The following TMEM131L variants were observed in gnomAD, a reference collection of about 807,000 sequenced individuals.
TMEM131L encodes transmembrane 131 like, also known as transmembrane protein 131-like.
TMEM131L carries 54 observed loss-of-function variants against 192.2 expected under a neutral mutation model. The ratio of observed to expected loss-of-function variants is 0.28; its 90% CI spans 0.23 to 0.35. The LOEUF (loss-of-function observed/expected upper bound fraction) is 0.35. Among genes scored for constraint, TMEM131L ranks in the 10% least tolerant of loss-of-function variants. The pLI is 1.00. For missense variants in TMEM131L, 1,888 were observed against 1,972.9 expected, an observed-to-expected ratio of 0.96 and a Z score of 0.82; for synonymous variants, 701 against 704.9, an observed-to-expected ratio of 0.99 and a Z score of 0.09.
At chr4:153,591,327 A>G (rs769371497) in intron 17 of TMEM131L, 133 bp downstream of exon 17, 2 of 760,880 alleles carry the variant, frequency 2.6e-6, no homozygotes, top group Non-Finnish European at 4.0e-6. Flanking sequence ...GAACTAGATG[A>G]GCAGTAAAAC....
At chr4:153,632,483 T>C (rs1734279260) in intron 31 of TMEM131L, 3 of 498,368 alleles carry the variant, frequency 6.0e-6, no homozygotes, top group African/African-American at 1.9e-5. Flanking sequence ...ATATTTGTTA[T>C]GTGAGTCTCA....
intron 7 of TMEM131L, among the ~76,000 whole-genome samples, chr4:153,575,904 CT>C (rs976541971): frequency 9.2e-5 from 14 of 151,902 alleles, no homozygotes; most frequent in Admixed American, 5.9e-4. Context: ...TGGTTGCCCC[CT>C]GGCTAACATT....
chr4:153,618,394 T>C (rs535255930), intron 26 of TMEM131L, among the ~76,000 whole-genome samples: 71 of 147,904 alleles, frequency 4.8e-4, no homozygotes, highest in African/African-American at 1.8e-3. Flanking sequence ...GGCGGTTGCT[T>C]GAGCCTGGGA....
chr4:153,580,968 A>G, intron 8 of TMEM131L, 65 bp downstream of exon 8: 2 of 1,199,598 alleles, frequency 1.7e-6, no homozygotes, highest in Non-Finnish European at 2.5e-6. Context: ...AAAATAAAAC[A>G]CAAGGCTGGG....
intron 3 of TMEM131L, among the ~76,000 whole-genome samples, chr4:153,527,135 C>A (rs1561160103): frequency 6.6e-6 from 1 of 152,068 alleles, no homozygotes; most frequent in South Asian, 2.1e-4. Flanking sequence ...GGCTACAGTC[C>A]ATTGATGTTT....
intron 7 of TMEM131L, among the ~76,000 whole-genome samples, chr4:153,570,761 C>T (rs773488826): frequency 6.6e-6 from 1 of 152,104 alleles, no homozygotes; most frequent in Non-Finnish European, 1.5e-5. Flanking sequence ...TGTGGACTTG[C>T]GGGGGCTTCT....
At chr4:153,582,419 C>T (rs1274555241) in intron 9 of TMEM131L, among the ~76,000 whole-genome samples, 4 of 117,998 alleles carry the variant, frequency 3.4e-5, no homozygotes, top group Admixed American at 2.6e-4. Context: ...TAATTTAAAC[C>T]GTTTTTTTTT....
chr4:153,523,290 G>A (rs1316551384), intron 3 of TMEM131L, among the ~76,000 whole-genome samples: 1 of 152,176 alleles, frequency 6.6e-6, no homozygotes, highest in Non-Finnish European at 1.5e-5. Context: ...TTTGTGAAAC[G>A]TATGAATTTC....
intron 3 of TMEM131L, among the ~76,000 whole-genome samples, chr4:153,515,105 C>T (rs531703828): frequency 2.6e-5 from 4 of 152,248 alleles, no homozygotes; most frequent in African/African-American, 9.6e-5. Context: ...AGCCACCGTG[C>T]TCAGCCTACT....
chr4:153,509,477 A>G (rs1734209386), intron 3 of TMEM131L, among the ~76,000 whole-genome samples: 1 of 152,234 alleles, frequency 6.6e-6, no homozygotes, highest in East Asian at 1.9e-4. Context: ...CTGTAATCCC[A>G]GCACTTTAGG....
chr4:153,634,988 C>G (rs1413497048), intron 33 of TMEM131L, among the ~76,000 whole-genome samples: 2 of 152,140 alleles, frequency 1.3e-5, no homozygotes, highest in Non-Finnish European at 2.9e-5. Flanking sequence ...GGTCTGTGTT[C>G]ATTATGTTCT....
intron 24 of TMEM131L, 163 bp from the exon 25 acceptor site, chr4:153,603,639 A>T (rs1360140708): frequency 8.2e-6 from 8 of 976,952 alleles, no homozygotes; most frequent in East Asian, 2.6e-5. Context: ...GACTTAGTTG[A>T]TGGGTATTCT....
rs1735190879 is a variant in TMEM131L, at chr4:153,522,509, TC to T, written c.240-27562del. Among the ~76,000 whole-genome samples the T allele has an allele frequency of 7.9e-5, 12 of 152,200 alleles. No homozygotes were observed. In the South Asian group the frequency reaches 2.5e-3, roughly 32 times the overall value. ...CCTGGGACTCGGTCTGTGTGGCTCT[TC>T]CAGGAAGCGTGACCCTTCCCCCTGC... On this transcript the variant is annotated intron_variant, in intron 3 of 34. Coordinates refer to ENST00000409959, the MANE Select transcript of TMEM131L (RefSeq NM_001131007.2).
Position 153,511,182 on chromosome 4 carries a change from G to A in TMEM131L, c.239+37294G>A, listed in dbSNP as rs568066668. Among the ~76,000 whole-genome samples the A allele has an allele frequency of 3.3e-5, 5 of 152,298 alleles. No individual in the cohort carries two copies. In the East Asian group the frequency reaches 9.6e-4, roughly 29 times the overall value. On this transcript the variant is annotated intron_variant, in intron 3 of 34. Transcript: ENST00000409959. ...TTCTATCATAAAGACACATGCACTT[G>A]TATGTTCATTGTAGCACTATTCACA... is the stretch of plus-strand genomic sequence containing the variant.
intron 25 of TMEM131L, among the ~76,000 whole-genome samples, chr4:153,604,905 A>G (rs149501582): frequency 1.7e-3 from 257 of 152,218 alleles, no homozygotes; most frequent in African/African-American, 5.4e-3. Flanking sequence ...AAGTTTCACC[A>G]TGTTGGCCAG....
At chr4:153,495,688 A>G (rs1326480155) in intron 3 of TMEM131L, among the ~76,000 whole-genome samples, 1 of 152,190 alleles carries the variant, frequency 6.6e-6, no homozygotes, top group African/African-American at 2.4e-5. Context: ...ATGAGCTATC[A>G]GTTTACATTG....
chr4:153,607,219 G>A (rs1379407810), intron 25 of TMEM131L, among the ~76,000 whole-genome samples: 2 of 152,166 alleles, frequency 1.3e-5, no homozygotes, highest in Non-Finnish European at 1.5e-5. Context: ...TGATAAACGC[G>A]TATAATTGAC....
At chr4:153,529,828 C>G (rs983644630) in intron 3 of TMEM131L, among the ~76,000 whole-genome samples, 1 of 152,190 alleles carries the variant, frequency 6.6e-6, no homozygotes, top group Non-Finnish European at 1.5e-5. Flanking sequence ...GTTTTGAAGT[C>G]ACACAGTGTA....
intron 3 of TMEM131L, among the ~76,000 whole-genome samples, chr4:153,521,380 G>A (rs1044291626): frequency 1.3e-4 from 20 of 152,210 alleles, no homozygotes; most frequent in South Asian, 4.2e-4. Context: ...TAGGAAGTGA[G>A]TCTACATTAT....
Sources: gnomAD v4.1 joint callset for allele counts (sites outside exome capture counted in the v4.1 genomes callset) on GRCh38, gnomAD v4.1.1 for gene constraint, MANE v1.5 for transcripts, NCBI Gene and HGNC (gene_info 2026-07-23, HGNC 2026-07-21) for gene names.